The following KATNA1 variants were observed in gnomAD, a reference collection of about 807,000 sequenced individuals.
The protein encoded by KATNA1 is katanin p60 ATPase-containing subunit A1.
Under a neutral mutation model 62.6 loss-of-function variants are expected in KATNA1, and 42 were observed. That is an observed-to-expected ratio of 0.67 (90% CI 0.52 to 0.87). The LOEUF is 0.87. Ranked by LOEUF, KATNA1 falls within the 40% of genes least tolerant of loss-of-function variation. The pLI is 0.00. For missense variants in KATNA1, 498 were observed against 612.5 expected (o/e 0.81, Z 1.97); for synonymous variants, 186 against 201.9 (o/e 0.92, Z 0.67).
Position 149,597,145 on chromosome 6 carries a change from C to G in KATNA1, c.1195G>C (p.Glu399Gln). 1 of 1,614,112 alleles carries G rather than the reference C, an allele frequency of 6.2e-7. No individual in the cohort carries two copies. Among genetic ancestry groups the G allele is most frequent in the East Asian group, 2.2e-5 (1 of 44,886 alleles). The change falls in exon 10 of 11, where the codon GAA becomes CAA. Residue 399 changes from glutamate to glutamine, a missense_variant. Glu to Gln is a conservative substitution (Grantham distance 29). Transcript: ENST00000367411. ...ELLRISLREL[E>Q]LADDVDLASI... ...GCAAGGTCAACATCATCAGCCAATT[C>G]CAACTCACGTAGACTTATTCGTAAT...
chr6:149,629,975 A>G (rs1384641980), intron 3 of KATNA1, among the ~76,000 whole-genome samples: 2 of 152,218 alleles, frequency 1.3e-5, no homozygotes, highest in African/African-American at 4.8e-5. Flanking sequence ...TAAAACAACA[A>G]ACACAGTACC....
At chr6:149,610,592 G>A (rs1011735205) in intron 4 of KATNA1, among the ~76,000 whole-genome samples, 1 of 152,136 alleles carries the variant, frequency 6.6e-6, no homozygotes, top group Non-Finnish European at 1.5e-5. Flanking sequence ...TAAACAGCAT[G>A]GTACTAAATA....
At chr6:149,617,808 C>T (rs1401004423) in intron 4 of KATNA1, among the ~76,000 whole-genome samples, 4 of 151,354 alleles carry the variant, frequency 2.6e-5, no homozygotes, top group East Asian at 3.9e-4. Flanking sequence ...TGGTGGCCTG[C>T]GCCTGTAGTC....
rs572330553 is a variant in KATNA1, at chr6:149,633,972, A to G, written c.163-1056T>C. ...AACTCCGGCTCAAATAAATAAATAA[A>G]TAAATAAATTGCATAACAGGCCAGG... is the stretch of plus-strand genomic sequence containing the variant. On this transcript the variant is annotated intron_variant, in intron 2 of 10. Coordinates refer to ENST00000367411, the MANE Select transcript of KATNA1 (RefSeq NM_007044.4). 1.0e-3 allele frequency among the ~76,000 whole-genome samples: 154 copies of G among 151,968 alleles called. 1 individual carries two copies. The highest frequency in any genetic ancestry group is 1.9e-3 in the Non-Finnish European group (131 of 68,000).
chr6:149,607,496 C>T (rs930571226), intron 4 of KATNA1, among the ~76,000 whole-genome samples: 9 of 152,004 alleles, frequency 5.9e-5, no homozygotes, highest in Admixed American at 4.6e-4. Context: ...TGCCTGTAGT[C>T]CCAGCTACTC....
chr6:149,603,424 G>T, intron 5 of KATNA1, 51 bp from the exon 6 acceptor site: 1 of 853,478 alleles, frequency 1.2e-6, no homozygotes, highest in Non-Finnish European at 1.9e-6. Context: ...ACATGTCTAT[G>T]CAGTCACTCT....
intron 7 of KATNA1, among the ~76,000 whole-genome samples, chr6:149,599,606 C>G (rs1778459733): frequency 6.6e-6 from 1 of 152,064 alleles, no homozygotes; most frequent in African/African-American, 2.4e-5. Flanking sequence ...TAACCTCTGC[C>G]ACCCCGGTTC....
chr6:149,596,975 C>T (rs1352086393), intron 10 of KATNA1, 88 bp downstream of exon 10: 23 of 1,361,612 alleles, frequency 1.7e-5, no homozygotes, highest in African/African-American at 2.9e-5. Flanking sequence ...GGCAACAGAG[C>T]GAGACTGTGT....
chr6:149,608,187 G>C (rs554106287), intron 4 of KATNA1, among the ~76,000 whole-genome samples: 4 of 152,242 alleles, frequency 2.6e-5, no homozygotes, highest in African/African-American at 9.6e-5. Flanking sequence ...CAGGAAGATG[G>C]AGCATACTTT....
intron 3 of KATNA1, among the ~76,000 whole-genome samples, chr6:149,623,732 C>T (rs993955778): frequency 1.5e-3 from 229 of 151,618 alleles, no homozygotes; most frequent in African/African-American, 5.3e-3. Context: ...AACGAGACTC[C>T]GTTTCAAAAA....
At chr6:149,614,535 C>T (rs1035001469) in intron 4 of KATNA1, among the ~76,000 whole-genome samples, 6 of 152,202 alleles carry the variant, frequency 3.9e-5, no homozygotes, top group East Asian at 1.9e-4. Flanking sequence ...TATTTTGAGA[C>T]GCTGAAATGC....
At chr6:149,624,426 T>C (rs1779526132) in intron 3 of KATNA1, among the ~76,000 whole-genome samples, 1 of 152,114 alleles carries the variant, frequency 6.6e-6, no homozygotes, top group South Asian at 2.1e-4. Context: ...TTTATTATTA[T>C]TATTTTTTGA....
At position 149,638,449 on chromosome 6, in the gene KATNA1, A is replaced by ATAAT; in HGVS notation, c.98_99insATTA (p.Asp34LeufsTer2). 6.2e-7 allele frequency: 1 copy of ATAAT among 1,614,010 alleles called. No individual in the cohort carries two copies. ...AGTACAGATACTTGTTCATTTGGTCAAGAACTCCCTGATAATAGACCATCG... is the reference window on the plus strand; with the variant it reads ...AGTACAGATACTTGTTCATTTGGTCATAATAGAACTCCCTGATAATAGACCATCG... On this transcript the variant is annotated frameshift_variant, in exon 2 of 11. Transcript: ENST00000367411. LOFTEE classifies it high-confidence loss of function.
intron 4 of KATNA1, among the ~76,000 whole-genome samples, chr6:149,622,147 C>CAA (rs1779424072): frequency 7.3e-6 from 1 of 136,316 alleles, no homozygotes; most frequent in African/African-American, 2.7e-5. Context: ...TTTTTTTTTT[C>CAA]CTCAAGACGG....
At chr6:149,605,856 C>T (rs1778716384) in intron 4 of KATNA1, among the ~76,000 whole-genome samples, 1 of 152,072 alleles carries the variant, frequency 6.6e-6, no homozygotes, top group South Asian at 2.1e-4. Flanking sequence ...GCAACCTCCA[C>T]CTCCTGGGTT....
intron 7 of KATNA1, among the ~76,000 whole-genome samples, chr6:149,599,867 C>T (rs1205647268): frequency 1.3e-5 from 2 of 152,096 alleles, no homozygotes; most frequent in Admixed American, 6.6e-5. Flanking sequence ...TTACTTGGAA[C>T]TCCAGGGGTT....
chr6:149,600,342 A>G (rs953074585), intron 7 of KATNA1, among the ~76,000 whole-genome samples: 1 of 152,024 alleles, frequency 6.6e-6, no homozygotes, highest in Non-Finnish European at 1.5e-5. Flanking sequence ...CTACAAAAAA[A>G]TCAAAAAAGG....
chr6:149,631,729 A>G (rs1038408801), intron 3 of KATNA1, among the ~76,000 whole-genome samples: 4 of 152,206 alleles, frequency 2.6e-5, no homozygotes, highest in Admixed American at 6.5e-5. Context: ...ATTTAAATCT[A>G]TAATACAAAC....
At chr6:149,607,993 G>A (rs1778805083) in intron 4 of KATNA1, among the ~76,000 whole-genome samples, 1 of 152,174 alleles carries the variant, frequency 6.6e-6, no homozygotes, top group South Asian at 2.1e-4. Flanking sequence ...TTGAACCTGG[G>A]AGGCAGAAGC....
Sources: gnomAD v4.1 joint callset for allele counts (sites outside exome capture counted in the v4.1 genomes callset) on GRCh38, gnomAD v4.1.1 for gene constraint, MANE v1.5 for transcripts, NCBI Gene and HGNC (gene_info 2026-07-23, HGNC 2026-07-21) for gene names.